ROBO1: variants seen among roughly 807,000 people sequenced by gnomAD.
ROBO1 encodes roundabout guidance receptor 1, also known as roundabout homolog 1.
ROBO1 carries 149 observed loss-of-function variants against 195.9 expected under a neutral mutation model. That is an observed-to-expected ratio of 0.76 (90% CI 0.67 to 0.87). The LOEUF (loss-of-function observed/expected upper bound fraction) is 0.87, where lower values mean the gene tolerates loss of function less well. Among genes scored for constraint, ROBO1 ranks in the 40% least tolerant of loss-of-function variants. The pLI is 0.00. For synonymous variants in ROBO1, 816 were observed against 733.2 expected, an observed-to-expected ratio of 1.11 and a Z score of -1.82; for missense variants, 1,933 against 2,068.3, an observed-to-expected ratio of 0.93 and a Z score of 1.27.
At chr3:79,174,485 T>C (rs557568880) in intron 2 of ROBO1, among the ~76,000 whole-genome samples, 1 of 152,258 alleles carries the variant, frequency 6.6e-6, no homozygotes, top group South Asian at 2.1e-4. Context: ...GTCTGCAGCG[T>C]CATTCTTGAA....
chr3:79,378,118 T>C (rs1418573190), intron 2 of ROBO1, among the ~76,000 whole-genome samples: 2 of 152,134 alleles, frequency 1.3e-5, no homozygotes, highest in African/African-American at 4.8e-5. Context: ...TTTTAAGTTA[T>C]GCATTTAAGG....
At chr3:79,125,391 T>C (rs763647658) in intron 3 of ROBO1, 65 bp downstream of exon 3, 43 of 1,265,100 alleles carry the variant, frequency 3.4e-5, no homozygotes, top group Non-Finnish European at 3.7e-5. Context: ...ATACAGGTGG[T>C]TGATGGTTGA....
chr3:79,364,258 A>G (rs1008801198), intron 2 of ROBO1, among the ~76,000 whole-genome samples: 1 of 149,692 alleles, frequency 6.7e-6, no homozygotes, highest in Non-Finnish European at 1.5e-5. Flanking sequence ...ATATACATAT[A>G]TATACACACA....
chr3:79,538,214 G>T (rs1037092818), intron 2 of ROBO1, among the ~76,000 whole-genome samples: 25 of 152,106 alleles, frequency 1.6e-4, no homozygotes, highest in African/African-American at 5.6e-4. Context: ...ACACTTTTGT[G>T]TCTGAAGAGT....
chr3:78,788,439 T>A (rs368479583), intron 4 of ROBO1, among the ~76,000 whole-genome samples: 15,975 of 108,904 alleles, frequency 0.15, 960 homozygotes, highest in Non-Finnish European at 0.18. Context: ...TTTTTTTTTT[T>A]TAAAAAAAAA....
At chr3:79,142,174 A>C (rs1391297082) in intron 2 of ROBO1, among the ~76,000 whole-genome samples, 2 of 152,216 alleles carry the variant, frequency 1.3e-5, no homozygotes, top group Admixed American at 6.5e-5. Context: ...GAGGATTATG[A>C]ACAAAAAACA....
intron 2 of ROBO1, among the ~76,000 whole-genome samples, chr3:79,554,012 T>C (rs146813855): frequency 6.6e-6 from 1 of 152,220 alleles, no homozygotes; most frequent in Admixed American, 6.5e-5. Context: ...ACATTTAATG[T>C]CTTTCGGCAT....
At chr3:78,941,363 T>A (rs949634015) in intron 3 of ROBO1, among the ~76,000 whole-genome samples, 1 of 152,214 alleles carries the variant, frequency 6.6e-6, no homozygotes, top group African/African-American at 2.4e-5. Context: ...GGATTTTATA[T>A]TACTCATCAC....
chr3:79,162,838 G>A (rs550631913), intron 2 of ROBO1, among the ~76,000 whole-genome samples: 27 of 152,162 alleles, frequency 1.8e-4, no homozygotes, highest in African/African-American at 4.8e-4. Flanking sequence ...ATTGGGTACT[G>A]CTCTGCATCC....
chr3:79,044,269 A>G (rs1250591252), intron 3 of ROBO1, among the ~76,000 whole-genome samples: 1 of 152,000 alleles, frequency 6.6e-6, no homozygotes, highest in Non-Finnish European at 1.5e-5. Context: ...AGATGTTTTA[A>G]AAATGCTTAA....
At chr3:79,640,145 G>A (rs907725357) in intron 1 of ROBO1, among the ~76,000 whole-genome samples, 1 of 151,862 alleles carries the variant, frequency 6.6e-6, no homozygotes, top group Admixed American at 6.6e-5. Flanking sequence ...TGCACATTCT[G>A]GTTTCACCTA....
At chr3:79,376,129 T>G (rs2036373948) in intron 2 of ROBO1, among the ~76,000 whole-genome samples, 1 of 152,232 alleles carries the variant, frequency 6.6e-6, no homozygotes, top group Admixed American at 6.5e-5. Context: ...TGAAAACCTC[T>G]TAATTTTTGA....
intron 2 of ROBO1, among the ~76,000 whole-genome samples, chr3:79,497,083 A>C (rs1939787829): frequency 1.3e-5 from 2 of 152,210 alleles, no homozygotes; most frequent in African/African-American, 4.8e-5. Flanking sequence ...GAGAAGCAGA[A>C]GGTAAGAGAG....
rs530739882 is a variant in ROBO1 at position 78,969,145 on chromosome 3, G to A, written c.173-30218C>T. Among the ~76,000 whole-genome samples the A allele has an allele frequency of 9.2e-5, 14 of 152,172 alleles. No individual in the cohort carries two copies. In the East Asian group the frequency reaches 9.7e-4, roughly 10 times the overall value. On this transcript the variant is annotated intron_variant, in intron 3 of 30. Coordinates refer to ENST00000464233, the MANE Select transcript of ROBO1 (RefSeq NM_002941.4). ...AATAAACTACTCTTTGGAAAACAAC[G>A]CTTTTTCCCTTAAATATAAGAAGAT...
At chr3:78,647,543 A>C in intron 20 of ROBO1, 86 bp downstream of exon 20, 1 of 1,291,710 alleles carries the variant, frequency 7.7e-7, no homozygotes, top group Non-Finnish European at 1.1e-6. Flanking sequence ...AACTTACTGC[A>C]GAAAATGAAA....
chr3:79,687,914 C>T (rs113551251), intron 1 of ROBO1, among the ~76,000 whole-genome samples: 13 of 152,078 alleles, frequency 8.5e-5, no homozygotes, highest in East Asian at 1.9e-4. Context: ...TAAAGACATA[C>T]GCACATGTAT....
intron 1 of ROBO1, among the ~76,000 whole-genome samples, chr3:79,641,697 A>C (rs1417315881): frequency 6.6e-6 from 1 of 152,088 alleles, no homozygotes; most frequent in Non-Finnish European, 1.5e-5. Flanking sequence ...ACAAAACTCA[A>C]TTCAGAAATA....
chr3:79,526,913 T>C (rs558301601), intron 2 of ROBO1, among the ~76,000 whole-genome samples: 2 of 152,294 alleles, frequency 1.3e-5, no homozygotes, highest in South Asian at 4.1e-4. Flanking sequence ...ACAAGTTGTC[T>C]AAATGGTAAC....
intron 4 of ROBO1, among the ~76,000 whole-genome samples, chr3:78,786,144 T>TA: frequency 6.6e-6 from 1 of 152,234 alleles, no homozygotes; most frequent in South Asian, 2.1e-4. Context: ...TTCCATGACT[T>TA]CCACCTACTT....
Sources: allele counts gnomAD v4.1 joint callset (sites outside exome capture counted in the v4.1 genomes callset), GRCh38; gene constraint gnomAD v4.1.1; transcripts MANE v1.5; gene names NCBI Gene and HGNC (gene_info 2026-07-23, HGNC 2026-07-21).